The following BAZ1B variants were observed in gnomAD, a reference collection of about 807,000 sequenced individuals.
BAZ1B encodes the protein tyrosine-protein kinase BAZ1B.
A neutral mutation model predicts 153.8 loss-of-function variants in BAZ1B; 22 were observed. That is an observed-to-expected ratio of 0.14 (90% confidence interval 0.10 to 0.20). BAZ1B has a LOEUF of 0.20. Ranked by LOEUF, BAZ1B falls within the 10% of genes least tolerant of loss-of-function variation. The pLI is 1.00. For synonymous variants in BAZ1B, 676 were observed against 633.4 expected (o/e 1.07, Z -1.01); for missense variants, 1,325 against 1,799.3 (o/e 0.74, Z 4.77).
chr7:73,473,240 T>C (rs1183501488), intron 7 of BAZ1B, among the ~76,000 whole-genome samples: 5 of 152,224 alleles, frequency 3.3e-5, no homozygotes, highest in Non-Finnish European at 7.3e-5. Context: ...GAGCCTGGCC[T>C]GTTCATATGT....
chr7:73,511,725 A>G (rs1790585895), intron 1 of BAZ1B, among the ~76,000 whole-genome samples: 1 of 151,890 alleles, frequency 6.6e-6, no homozygotes, highest in Non-Finnish European at 1.5e-5. Flanking sequence ...CAAGTTTAAG[A>G]GTCAGTCCAC....
chr7:73,447,250 G>A lies in BAZ1B; in HGVS notation c.3844+14C>T. 6.2e-7 allele frequency: 1 copy of A among 1,613,392 alleles called. No individual in the cohort carries two copies. The highest frequency in any genetic ancestry group is 1.1e-5 in the South Asian group (1 of 91,050). ...GACTGTGAAATCAACTACAAAGGCAGACAAAATACTTACATCGCAAACCAG... is the reference window on the plus strand; with the variant it reads ...GACTGTGAAATCAACTACAAAGGCAAACAAAATACTTACATCGCAAACCAG... On this transcript the variant is annotated intron_variant, in intron 16 of 19. Coordinates refer to ENST00000339594, the MANE Select transcript of BAZ1B (RefSeq NM_032408.4).
intron 1 of BAZ1B, among the ~76,000 whole-genome samples, chr7:73,516,609 T>A (rs1790808363): frequency 6.7e-6 from 1 of 150,012 alleles, no homozygotes; most frequent in South Asian, 2.1e-4. Flanking sequence ...ATGGTGAAAC[T>A]ACTAAAAATA....
intron 6 of BAZ1B, among the ~76,000 whole-genome samples, chr7:73,478,982 A>G (rs189741124): frequency 9.7e-4 from 147 of 152,314 alleles, no homozygotes; most frequent in Non-Finnish European, 1.8e-3. Flanking sequence ...TTTAAAAAGC[A>G]CTGTTCTTGA....
chr7:73,519,408 G>A (rs1227186585), intron 1 of BAZ1B, among the ~76,000 whole-genome samples: 2 of 152,078 alleles, frequency 1.3e-5, no homozygotes, highest in African/African-American at 2.4e-5. Context: ...CAACCATACA[G>A]TACAATTGTT....
chr7:73,484,935 A>G (rs1299421375), intron 6 of BAZ1B, among the ~76,000 whole-genome samples: 1 of 152,230 alleles, frequency 6.6e-6, no homozygotes, highest in Non-Finnish European at 1.5e-5. Flanking sequence ...TGGTAGCACA[A>G]TGGATCCTAT....
At chr7:73,507,025 CCCG>C (rs1260624481) in intron 3 of BAZ1B, among the ~76,000 whole-genome samples, 1 of 149,444 alleles carries the variant, frequency 6.7e-6, no homozygotes, top group Non-Finnish European at 1.5e-5. Flanking sequence ...ACTACAGGCG[CCCG>C]CCACCACGGC....
At chr7:73,458,873 A>G (rs1276154466) in intron 13 of BAZ1B, among the ~76,000 whole-genome samples, 3 of 152,268 alleles carry the variant, frequency 2.0e-5, no homozygotes, top group African/African-American at 4.8e-5. Flanking sequence ...CAGCTTACAC[A>G]AGAGCAAAAC....
At position 73,448,420 on chromosome 7, in the gene BAZ1B, C is replaced by T. The variant is rs555465409; in HGVS notation, c.3729-1041G>A. Among the ~76,000 whole-genome samples, 139 of 152,282 alleles carry T rather than the reference C, an allele frequency of 9.1e-4. 5 individuals are homozygous for T. In the South Asian group the frequency reaches 0.027, roughly 30 times the overall value. On this transcript the variant is annotated intron_variant, in intron 15 of 19. Coordinates refer to ENST00000339594, the MANE Select transcript of BAZ1B (RefSeq NM_032408.4). ...TACAAGGTGTCTCCTCTTTACAAGG[C>T]CCGGTATTTGGCCTTATTGAGATTC...
At chr7:73,490,055 A>G (rs2116381133) in intron 5 of BAZ1B, among the ~76,000 whole-genome samples, 1 of 152,362 alleles carries the variant, frequency 6.6e-6, no homozygotes. Context: ...ATGTACATAT[A>G]ATGGACACTG....
At chr7:73,480,913 T>TA (rs1789173446) in intron 6 of BAZ1B, among the ~76,000 whole-genome samples, 1 of 152,134 alleles carries the variant, frequency 6.6e-6, no homozygotes, top group Non-Finnish European at 1.5e-5. Context: ...AGCTGTACTA[T>TA]AAAGCCATTT....
At chr7:73,456,471 T>C (rs541580766) in intron 13 of BAZ1B, among the ~76,000 whole-genome samples, 3 of 152,092 alleles carry the variant, frequency 2.0e-5, no homozygotes, top group South Asian at 2.1e-4. Flanking sequence ...AAAAATCCAA[T>C]TGAAAAATGG....
intron 7 of BAZ1B, among the ~76,000 whole-genome samples, chr7:73,473,374 G>C (rs1473160047): frequency 6.6e-6 from 1 of 152,166 alleles, no homozygotes; most frequent in Non-Finnish European, 1.5e-5. Context: ...CCAACATGGT[G>C]AATCCCCATC....
intron 6 of BAZ1B, among the ~76,000 whole-genome samples, chr7:73,483,031 C>T (rs1408086786): frequency 6.6e-6 from 1 of 152,122 alleles, no homozygotes; most frequent in African/African-American, 2.4e-5. Flanking sequence ...AGTTAATCTA[C>T]CAGACTAGCA....
chr7:73,519,466 G>A (rs1554579786), intron 1 of BAZ1B, among the ~76,000 whole-genome samples: 2 of 152,044 alleles, frequency 1.3e-5, no homozygotes, highest in African/African-American at 4.8e-5. Context: ...TCCCGAAAGA[G>A]CAATTTCCCC....
At chr7:73,484,088 A>C (rs1789302693) in intron 6 of BAZ1B, among the ~76,000 whole-genome samples, 1 of 152,198 alleles carries the variant, frequency 6.6e-6, no homozygotes, top group Non-Finnish European at 1.5e-5. Flanking sequence ...CAACATGGTG[A>C]AACCCCATGT....
intron 16 of BAZ1B, among the ~76,000 whole-genome samples, chr7:73,446,889 AAAC>A (rs1554566799): frequency 6.6e-6 from 1 of 152,260 alleles, no homozygotes; most frequent in African/African-American, 2.4e-5. Context: ...AGCAGCGATA[AAAC>A]AACAGCCAAA....
chr7:73,479,826 G>A (rs1789131949), intron 6 of BAZ1B, among the ~76,000 whole-genome samples: 1 of 151,918 alleles, frequency 6.6e-6, no homozygotes, highest in Admixed American at 6.6e-5. Flanking sequence ...ATTTACTCCT[G>A]CCCTGCATAT....
At chr7:73,521,456 G>A (rs1473762014) in intron 1 of BAZ1B, among the ~76,000 whole-genome samples, 1 of 152,154 alleles carries the variant, frequency 6.6e-6, no homozygotes, top group Non-Finnish European at 1.5e-5. Flanking sequence ...AAAATTAAAG[G>A]AGAAAACCTA....
Sources: gnomAD v4.1 joint callset for allele counts (sites outside exome capture counted in the v4.1 genomes callset) on GRCh38, gnomAD v4.1.1 for gene constraint, MANE v1.5 for transcripts, NCBI Gene and HGNC (gene_info 2026-07-23, HGNC 2026-07-21) for gene names.